The following IL1RAPL2 variants were observed in gnomAD, a reference collection of about 807,000 sequenced individuals.
The protein encoded by IL1RAPL2 is interleukin 1 receptor accessory protein like 2.
Under a neutral mutation model 44.1 loss-of-function variants are expected in IL1RAPL2, and 3 were observed. That is an observed-to-expected ratio of 0.07 (90% CI 0.03 to 0.18). The LOEUF (loss-of-function observed/expected upper bound fraction) is 0.18. Among genes scored for constraint, IL1RAPL2 ranks in the 10% least tolerant of loss-of-function variants. The probability of loss-of-function intolerance (pLI) is 1.00; values close to 1 mark genes in which losing one functional copy is unlikely to be tolerated. For synonymous variants in IL1RAPL2, 181 were observed against 178.8 expected, an observed-to-expected ratio of 1.01 and a Z score of -0.10; for missense variants, 391 against 496.4, an observed-to-expected ratio of 0.79 and a Z score of 2.02.
intron 2 of IL1RAPL2, among the ~76,000 whole-genome samples, chrX:105,075,740 G>T (rs1384612910): frequency 8.9e-6 from 1 of 111,957 alleles, no homozygotes; most frequent in Non-Finnish European, 1.9e-5. Flanking sequence ...GGTCTATTCA[G>T]AGATTCAACT....
intron 2 of IL1RAPL2, among the ~76,000 whole-genome samples, chrX:105,013,176 G>C (rs2031096844): frequency 9.0e-6 from 1 of 111,067 alleles, no homozygotes; most frequent in Admixed American, 9.6e-5. Context: ...AAAGAGAAGA[G>C]AGTATATGTG....
chrX:105,748,423 TG>T (rs2038568654), intron 8 of IL1RAPL2, among the ~76,000 whole-genome samples: 1 of 112,233 alleles, frequency 8.9e-6, no homozygotes, highest in African/African-American at 3.2e-5. Flanking sequence ...TAATTTTACC[TG>T]CTTACCTTAT....
intron 2 of IL1RAPL2, among the ~76,000 whole-genome samples, chrX:104,981,140 C>A (rs927052885): frequency 1.9e-5 from 2 of 104,420 alleles, no homozygotes; most frequent in Non-Finnish European, 3.9e-5. Context: ...TTTTTCTTTC[C>A]AACTTTTAGG....
intron 2 of IL1RAPL2, among the ~76,000 whole-genome samples, chrX:104,708,022 G>A (rs1346559936): frequency 1.8e-5 from 2 of 111,637 alleles, no homozygotes; most frequent in Non-Finnish European, 3.8e-5. Context: ...AGTGTGGCAG[G>A]TCTTGTCATT....
chrX:104,711,965 T>G (rs1354083356), intron 2 of IL1RAPL2, among the ~76,000 whole-genome samples: 2 of 111,204 alleles, frequency 1.8e-5, no homozygotes, highest in South Asian at 3.7e-4. Flanking sequence ...ACTTGCCAGC[T>G]TTGAATGCCT....
chrX:105,587,987 C>T (rs1005635236), intron 6 of IL1RAPL2, among the ~76,000 whole-genome samples: 3 of 111,345 alleles, frequency 2.7e-5, no homozygotes, highest in Admixed American at 1.9e-4. Flanking sequence ...TGCATTGGGC[C>T]GTCCTTACAC....
At chrX:105,349,501 A>T (rs1320106967) in intron 5 of IL1RAPL2, among the ~76,000 whole-genome samples, 2 of 112,107 alleles carry the variant, frequency 1.8e-5, no homozygotes, top group East Asian at 5.6e-4. Context: ...TGGTATGAGA[A>T]TTTAACCCAA....
intron 2 of IL1RAPL2, among the ~76,000 whole-genome samples, chrX:105,051,936 A>G (rs1416017533): frequency 8.9e-6 from 1 of 112,517 alleles, no homozygotes; most frequent in African/African-American, 3.2e-5. Flanking sequence ...CATGGCACAC[A>G]TATACCTATG....
In IL1RAPL2 at chrX:105,744,887, C is replaced by T. The variant is rs761692116; in HGVS notation, c.1049-4073C>T. On this transcript the variant is annotated intron_variant, in intron 8 of 10. Coordinates refer to ENST00000372582, the MANE Select transcript of IL1RAPL2 (RefSeq NM_017416.2). ...TATTTCTGTTTCTCTGCACATACTT[C>T]CTTTCTCATAAAACAGGGGCATATC... 5.4e-5 allele frequency among the ~76,000 whole-genome samples: 6 copies of T among 111,756 alleles called. No homozygotes were observed. In the South Asian group the frequency reaches 2.3e-3, roughly 42 times the overall value.
At chrX:105,054,593 A>G (rs1790733395) in intron 2 of IL1RAPL2, among the ~76,000 whole-genome samples, 1 of 111,972 alleles carries the variant, frequency 8.9e-6, no homozygotes, top group African/African-American at 3.2e-5. Flanking sequence ...GCTTATTTAC[A>G]TGTACAGTTA....
At chrX:105,405,572 C>T (rs2035637069) in intron 5 of IL1RAPL2, 8 of 740,800 alleles carry the variant, frequency 1.1e-5, no homozygotes, top group Non-Finnish European at 1.7e-5. Flanking sequence ...AGGGGAAGGG[C>T]GAGAGGAGAA....
intron 2 of IL1RAPL2, among the ~76,000 whole-genome samples, chrX:105,165,531 C>T (rs1278937185): frequency 1.8e-5 from 2 of 112,000 alleles, no homozygotes; most frequent in African/African-American, 6.5e-5. Flanking sequence ...CTTTGTTTCA[C>T]GCTACTACCA....
intron 2 of IL1RAPL2, among the ~76,000 whole-genome samples, chrX:104,827,047 A>G (rs1044057025): frequency 1.0e-5 from 1 of 100,148 alleles, no homozygotes; most frequent in Non-Finnish European, 2.0e-5. Context: ...TCTCCTGAGT[A>G]CAGCACACCG....
chrX:105,016,619 T>G (rs893958435), intron 2 of IL1RAPL2, among the ~76,000 whole-genome samples: 45 of 112,056 alleles, frequency 4.0e-4, no homozygotes, highest in Non-Finnish European at 6.4e-4. Flanking sequence ...ATTATATTTA[T>G]TGATTTGTGT....
At chrX:105,148,764 C>G (rs1440458810) in intron 2 of IL1RAPL2, among the ~76,000 whole-genome samples, 1 of 111,683 alleles carries the variant, frequency 9.0e-6, no homozygotes, top group Non-Finnish European at 1.9e-5. Flanking sequence ...GCCTAATCCT[C>G]AAAGTATTGG....
chrX:104,638,759 G>T (rs1015532417), intron 1 of IL1RAPL2, among the ~76,000 whole-genome samples: 3 of 112,188 alleles, frequency 2.7e-5, no homozygotes, highest in Non-Finnish European at 1.9e-5. Flanking sequence ...AATATGTTGA[G>T]ATTTGTTTTG....
chrX:104,703,269 C>T (rs973688771), intron 2 of IL1RAPL2, among the ~76,000 whole-genome samples: 1 of 111,127 alleles, frequency 9.0e-6, no homozygotes, highest in Non-Finnish European at 1.9e-5. Context: ...ATCCATAGGA[C>T]ACGGGTTTGT....
At chrX:105,406,203 A>T in intron 5 of IL1RAPL2, 1 of 1,146,718 alleles carries the variant, frequency 8.7e-7, no homozygotes, top group South Asian at 1.8e-5. Flanking sequence ...ACTTTAGTGA[A>T]TAAAGAACCT....
At position 104,582,643 on chromosome X, in the gene IL1RAPL2, T is replaced by C. The variant is rs746256300; in HGVS notation, c.-20+15592T>C. On this transcript the variant is annotated intron_variant, in intron 1 of 10. Coordinates refer to ENST00000372582, the MANE Select transcript of IL1RAPL2 (RefSeq NM_017416.2). ...TTCTTTCTTTCTTTCTTTCTTTCTC[T>C]CTTTCTTTCTTTCTTTTTTTTCTTT... Among the ~76,000 whole-genome samples the C allele has an allele frequency of 4.6e-3, 342 of 73,924 alleles. 3 individuals carry two copies. The highest frequency in any genetic ancestry group is 0.012 in the Middle Eastern group (2 of 172). 64.2% of individuals were successfully genotyped at this position (73,924 alleles called of 115,157 possible).
Sources: allele counts gnomAD v4.1 joint callset (sites outside exome capture counted in the v4.1 genomes callset), GRCh38; gene constraint gnomAD v4.1.1; transcripts MANE v1.5; gene names NCBI Gene and HGNC (gene_info 2026-07-23, HGNC 2026-07-21).